PMS2: variants seen among roughly 807,000 people sequenced by gnomAD.
PMS2 encodes mismatch repair endonuclease PMS2.
In PMS2, 69 loss-of-function variants were observed where a neutral mutation model predicts 90.0. The ratio of observed to expected loss-of-function variants is 0.77; its 90% confidence interval spans 0.63 to 0.94. The LOEUF is 0.94. Ranked by LOEUF, PMS2 falls within the 40% of genes least tolerant of loss-of-function variation. PMS2 has a pLI of 0.00. For missense variants in PMS2, 966 were observed against 1,040.2 expected, an observed-to-expected ratio of 0.93 and a Z score of 0.98; for synonymous variants, 332 against 375.1, an observed-to-expected ratio of 0.89 and a Z score of 1.33.
intron 13 of PMS2, among the ~76,000 whole-genome samples, 169 bp downstream of exon 13, chr7:5,978,427 C>G (rs12537416): frequency 0.077 from 10,271 of 133,912 alleles, 225 homozygotes; most frequent in East Asian, 0.22. Flanking sequence ...CCCGCCACCA[C>G]GCCCGGCTAC....
chr7:5,998,833 T>C (rs1784742242), intron 6 of PMS2, among the ~76,000 whole-genome samples: 1 of 151,436 alleles, frequency 6.6e-6, no homozygotes, highest in Admixed American at 6.6e-5. Context: ...CTACTAAAGA[T>C]ACAAAAAATT....
intron 2 of PMS2, 143 bp downstream of exon 2, chr7:6,005,749 C>T (rs551906539): frequency 2.4e-6 from 3 of 1,247,652 alleles, no homozygotes; most frequent in Non-Finnish European, 3.4e-6. Context: ...GTACTAGGCA[C>T]ATAATAGGTG....
intron 2 of PMS2, among the ~76,000 whole-genome samples, chr7:6,005,314 C>T (rs532804801): frequency 5.1e-4 from 78 of 152,322 alleles, no homozygotes; most frequent in Middle Eastern, 6.8e-3. Flanking sequence ...AAGCAATTCT[C>T]GTGCCTCAGT....
chr7:5,990,218 G>C (rs1191941205), intron 9 of PMS2, among the ~76,000 whole-genome samples: 1 of 152,180 alleles, frequency 6.6e-6, no homozygotes, highest in Non-Finnish European at 1.5e-5. Flanking sequence ...GTGTTGGCCA[G>C]GCTGGTCTCG....
chr7:5,994,848 T>C (rs1234119903), intron 8 of PMS2, among the ~76,000 whole-genome samples: 3 of 152,028 alleles, frequency 2.0e-5, no homozygotes, highest in African/African-American at 4.8e-5. Flanking sequence ...CTACTGAATG[T>C]CCCATCTCAG....
chr7:5,988,514 G>C (rs531610152), intron 10 of PMS2, among the ~76,000 whole-genome samples: 2 of 152,258 alleles, frequency 1.3e-5, no homozygotes, highest in Non-Finnish European at 2.9e-5. Flanking sequence ...AGCGAGCCAA[G>C]ATCACTCCAC....
rs370752614 is a variant in PMS2 at position 5,987,525 on chromosome 7, C to A, written c.1240G>T (p.Asp414Tyr). Residue 414 changes from aspartate to tyrosine, a missense_variant, in exon 11 of 15, where the codon GAC (aspartate) becomes TAC (tyrosine). Physicochemically the swap from Asp to Tyr is radical, Grantham distance 160. Around this residue, in one of 2 missense-constraint regions of PMS2, gnomAD observed 871 missense variants for 802.4 expected, o/e 1.09. Coordinates refer to ENST00000265849, the MANE Select transcript of PMS2 (RefSeq NM_000535.7). ...PSLRTGEEKK[D>Y]VSISRLREAF... ...TCTCGCAGTCTGGAAATGGACACGTCTTTTTTTTCTTCTCCAGTCCTTAAT... is the reference window on the plus strand; with the variant it reads ...TCTCGCAGTCTGGAAATGGACACGTATTTTTTTTCTTCTCCAGTCCTTAAT... 1.9e-5 allele frequency: 30 copies of A among 1,613,880 alleles called. No homozygotes were observed. The highest frequency in any genetic ancestry group is 6.7e-5 in the Admixed American group (4 of 59,956).
intron 2 of PMS2, among the ~76,000 whole-genome samples, chr7:6,005,148 GC>G (rs978549700): frequency 1.3e-5 from 2 of 151,396 alleles, no homozygotes; most frequent in Non-Finnish European, 2.9e-5. Flanking sequence ...CAAATGATCA[GC>G]CCCCCTCAGC....
At chr7:5,988,071 A>C (rs182056971) in intron 10 of PMS2, among the ~76,000 whole-genome samples, 20,576 of 144,608 alleles carry the variant, frequency 0.14, 1,917 homozygotes, top group Admixed American at 0.22. Flanking sequence ...AAAAAAAAAA[A>C]AAAAAAACCA....
chr7:6,003,342 T>A (rs1485450807), intron 4 of PMS2: 1 of 152,942 alleles, frequency 6.5e-6, no homozygotes, highest in African/African-American at 2.4e-5. Context: ...TATAAAAATT[T>A]CATATCTGTG....
At chr7:5,990,059 G>A in intron 9 of PMS2, 104 bp from the exon 10 acceptor site, 3 of 717,398 alleles carry the variant, frequency 4.2e-6, no homozygotes, top group South Asian at 1.8e-5. Flanking sequence ...CTAGGCTGGA[G>A]TGCAGTGGCG....
At chr7:5,998,845 G>A (rs1350296277) in intron 6 of PMS2, among the ~76,000 whole-genome samples, 1 of 151,896 alleles carries the variant, frequency 6.6e-6, no homozygotes, top group Non-Finnish European at 1.5e-5. Context: ...CAAAAAATTA[G>A]CCTGGCGTAG....
In PMS2 at chr7:6,007,087, C is replaced by CATTATTATTATT. The variant is rs10592354; in HGVS notation, c.24-1068_24-1057dup. Among the ~76,000 whole-genome samples, 132 of 147,430 alleles carry CATTATTATTATT rather than the reference C, an allele frequency of 9.0e-4. 3 individuals are homozygous for CATTATTATTATT. The East Asian group carries it at 0.02, about 23-fold the overall frequency. ...TCCTTTCCCTTCATCAAGTCCCCTA[C>CATTATTATTATT]ATTATTATTATTATTATTATTATTA... On this transcript the variant is annotated intron_variant, in intron 1 of 14. Coordinates refer to ENST00000265849, the MANE Select transcript of PMS2 (RefSeq NM_000535.7).
intron 8 of PMS2, among the ~76,000 whole-genome samples, chr7:5,994,570 A>G (rs539621682): frequency 1.3e-3 from 193 of 152,010 alleles, no homozygotes; most frequent in Middle Eastern, 3.4e-3. Flanking sequence ...TCAGGAGATC[A>G]AAACCATCCT....
At chr7:5,986,678 C>G in intron 11 of PMS2, 81 bp downstream of exon 11, 1 of 1,129,702 alleles carries the variant, frequency 8.9e-7, no homozygotes. Flanking sequence ...CGCAACAGAG[C>G]AAGACTCTGT....
At position 5,987,601 on chromosome 7, in the gene PMS2, A is replaced by T. The variant is rs768480216; in HGVS notation, c.1164T>A (p.His388Gln). 1.9e-6 allele frequency: 3 copies of T among 1,602,862 alleles called. No homozygotes were observed. The African/African-American group carries it at 4.0e-5, about 21-fold the overall frequency. ...LDVEGNLIKM[H>Q]AADLEKPMVE... Reference sequence around the variant, plus strand: ...CCATGGGCTTTTCCAAATCCGCTGCATGCATTTTTATTAAGTTACCTAAGC... The same window carrying T: ...CCATGGGCTTTTCCAAATCCGCTGCTTGCATTTTTATTAAGTTACCTAAGC... Residue 388 changes from histidine (H) to glutamine (Q), a missense_variant, in exon 11 of 15, where the codon CAT (histidine) becomes CAA (glutamine). Physicochemically the swap from His to Gln is conservative, Grantham distance 24. Around this residue, in one of 2 missense-constraint regions of PMS2, gnomAD observed 871 missense variants for 802.4 expected, o/e 1.09. Coordinates refer to ENST00000265849, the MANE Select transcript of PMS2 (RefSeq NM_000535.7).
intron 8 of PMS2, among the ~76,000 whole-genome samples, chr7:5,992,591 A>C (rs1205290153): frequency 6.6e-6 from 1 of 152,180 alleles, no homozygotes; most frequent in Non-Finnish European, 1.5e-5. Flanking sequence ...AAGTGCTGGG[A>C]TTATAGGCGT....
chr7:5,999,411 T>A, intron 5 of PMS2, 136 bp from the exon 6 acceptor site: 1 of 798,930 alleles, frequency 1.3e-6, no homozygotes, highest in Non-Finnish European at 2.1e-6. Flanking sequence ...CAGAATGATC[T>A]GTAAAGAGGT....
intron 1 of PMS2, among the ~76,000 whole-genome samples, chr7:6,008,674 G>A (rs1786172388): frequency 6.6e-6 from 1 of 152,190 alleles, no homozygotes; most frequent in South Asian, 2.1e-4. Flanking sequence ...CAGTCTATGG[G>A]GATTTCACGC....
Sources: allele counts gnomAD v4.1 joint callset (sites outside exome capture counted in the v4.1 genomes callset), GRCh38; gene constraint gnomAD v4.1.1; regional missense constraint gnomAD v4.1.1; transcripts MANE v1.5; gene names NCBI Gene and HGNC (gene_info 2026-07-23, HGNC 2026-07-21).